Variants in SCGN observed in about 807,000 individuals in gnomAD.
SCGN encodes secretagogin.
SCGN carries 30 observed loss-of-function variants against 39.7 expected under a neutral mutation model. That is an observed-to-expected ratio of 0.76 (90% CI 0.57 to 1.03). SCGN has a LOEUF of 1.03. SCGN is among the 50% of genes least tolerant of loss of function. SCGN has a pLI of 0.00. For missense variants in SCGN, 353 were observed against 349.4 expected (o/e 1.01, Z -0.08); for synonymous variants, 106 against 114.1 (o/e 0.93, Z 0.45).
intron 10 of SCGN, among the ~76,000 whole-genome samples, chr6:25,693,383 C>G (rs1759797523): frequency 7.6e-6 from 1 of 132,298 alleles, no homozygotes; most frequent in Non-Finnish European, 1.5e-5. Context: ...ACCTGGGAGG[C>G]AGAGCTTGCA....
intron 1 of SCGN, 49 bp downstream of exon 1, chr6:25,652,534 G>A: frequency 3.8e-6 from 6 of 1,564,342 alleles, no homozygotes; most frequent in Non-Finnish European, 4.4e-6. Context: ...GTGGCTCCAA[G>A]CTCAGCCCGC....
chr6:25,700,503 G>T (rs889950683), intron 10 of SCGN, among the ~76,000 whole-genome samples: 1 of 152,108 alleles, frequency 6.6e-6, no homozygotes, highest in African/African-American at 2.4e-5. Flanking sequence ...CAACTTTCCA[G>T]CTTGGCAGGA....
At chr6:25,673,974 A>AAG (rs371152942) in intron 6 of SCGN, among the ~76,000 whole-genome samples, 1 of 150,672 alleles carries the variant, frequency 6.6e-6, no homozygotes, top group African/African-American at 2.5e-5. Flanking sequence ...AAGCAGGAAC[A>AAG]AGAGAGAGAG....
Position 25,652,265 on chromosome 6 carries a change from T to C in SCGN, c.-139T>C, listed in dbSNP as rs1760146605. The C allele has an allele frequency of 1.4e-6, 1 of 698,632 alleles. No homozygotes were observed. The highest frequency in any genetic ancestry group is 2.5e-6 in the Non-Finnish European group (1 of 404,984). 43.3% of individuals were successfully genotyped at this position (698,632 alleles called of 1,614,324 possible). A position where few individuals can be genotyped will look rare whatever the true frequency, so the allele number is the denominator to read the frequency against. Reference sequence around the variant, plus strand: ...GACGCCACGGCCAGCAGCGCTCGCGTCCTCCCCAGCAACAGTTACTCAAAG... The same window carrying C: ...GACGCCACGGCCAGCAGCGCTCGCGCCCTCCCCAGCAACAGTTACTCAAAG... On this transcript the variant is annotated 5_prime_UTR_variant, in exon 1 of 11. Coordinates refer to ENST00000377961, the MANE Select transcript of SCGN (RefSeq NM_006998.4).
chr6:25,686,959 C>G (rs117694806), intron 7 of SCGN, among the ~76,000 whole-genome samples: 8 of 152,082 alleles, frequency 5.3e-5, no homozygotes, highest in Non-Finnish European at 1.2e-4. Context: ...TTTTTCCTTA[C>G]TGAATGGTCT....
intron 4 of SCGN, among the ~76,000 whole-genome samples, chr6:25,668,185 T>A (rs1200949455): frequency 1.3e-5 from 2 of 150,336 alleles, no homozygotes; most frequent in African/African-American, 4.9e-5. Context: ...AACACAGTCA[T>A]CCCATTTAGG....
chr6:25,660,098 A>G (rs1463433385), intron 2 of SCGN, among the ~76,000 whole-genome samples: 1 of 152,206 alleles, frequency 6.6e-6, no homozygotes, highest in Non-Finnish European at 1.5e-5. Flanking sequence ...AGGTTATAGT[A>G]CATTTTTTTC....
chr6:25,661,710 G>T (rs376072506), intron 3 of SCGN, 66 bp downstream of exon 3: 1 of 1,041,672 alleles, frequency 9.6e-7, no homozygotes, highest in Non-Finnish European at 1.5e-6. Flanking sequence ...TTACTTTATC[G>T]TCTTGGGCTG....
chr6:25,655,231 C>T (rs1370422173), intron 2 of SCGN, among the ~76,000 whole-genome samples: 1 of 152,240 alleles, frequency 6.6e-6, no homozygotes, highest in African/African-American at 2.4e-5. Context: ...TGGAACTTCT[C>T]ACCTTTTCAG....
intron 9 of SCGN, 122 bp from the exon 10 acceptor site, chr6:25,690,934 G>T: frequency 1.5e-6 from 1 of 666,254 alleles, no homozygotes; most frequent in East Asian, 2.7e-5. Context: ...ATTGGAACAT[G>T]CCACTTCTAA....
intron 8 of SCGN, 80 bp downstream of exon 8, chr6:25,689,297 G>C (rs192220933): frequency 2.5e-6 from 3 of 1,192,294 alleles, no homozygotes; most frequent in Non-Finnish European, 3.7e-6. Context: ...AGAAAGGAAG[G>C]CATCTATTTG....
intron 4 of SCGN, among the ~76,000 whole-genome samples, chr6:25,665,665 G>A (rs770610814): frequency 6.6e-6 from 1 of 152,176 alleles, no homozygotes. Context: ...GTTTCCCCAA[G>A]GCCAGAGCAG....
chr6:25,661,680 C>A, intron 3 of SCGN, 36 bp downstream of exon 3: 2 of 1,348,278 alleles, frequency 1.5e-6, no homozygotes, highest in Non-Finnish European at 2.1e-6. Context: ...TGGCTCTACT[C>A]TTCTTGACTG....
chr6:25,676,739 A>G, intron 6 of SCGN, among the ~76,000 whole-genome samples: 1 of 152,286 alleles, frequency 6.6e-6, no homozygotes, highest in Non-Finnish European at 1.5e-5. Context: ...CGTATGTAAA[A>G]CAGTCAGTAT....
rs1376761154 is a variant in SCGN, at chr6:25,686,105, C to T, written c.528-3067C>T. On this transcript the variant is annotated intron_variant, in intron 7 of 10. Coordinates refer to ENST00000377961, the MANE Select transcript of SCGN (RefSeq NM_006998.4). ...GCTGAATAATAGTCCCTTGTATGTA[C>T]ATACCACATTTTGTCCATTCATCAG... 2.0e-5 allele frequency among the ~76,000 whole-genome samples: 3 copies of T among 152,274 alleles called. No individual in the cohort carries two copies. In the East Asian group the frequency reaches 5.8e-4, roughly 29 times the overall value.
intron 4 of SCGN, 107 bp downstream of exon 4, chr6:25,665,139 C>A: frequency 4.8e-6 from 4 of 840,696 alleles, no homozygotes; most frequent in South Asian, 1.6e-5. Flanking sequence ...CAAGGGAGAG[C>A]TGAGCACAGA....
rs765332406 is a variant in SCGN at position 25,664,919 on chromosome 6, C to T, written c.247-24C>T. 1.6e-5 allele frequency: 26 copies of T among 1,582,982 alleles called. No homozygotes were observed. The South Asian group carries it at 2.6e-4, about 16-fold the overall frequency. ...AATGGACACTGGCCAGTGTCCCTGA[C>T]TGTTATTCTTTCTGTTCCTTCAGCT... On this transcript the variant is annotated intron_variant, in intron 3 of 10. Transcript: ENST00000377961.
intron 10 of SCGN, 45 bp downstream of exon 10, chr6:25,691,169 A>G (rs1269582106): frequency 7.3e-7 from 1 of 1,374,104 alleles, no homozygotes; most frequent in Admixed American, 1.7e-5. Context: ...TGTTGTTTTG[A>G]TTTATTCCAT....
chr6:25,674,626 T>C (rs1452040528), intron 6 of SCGN, among the ~76,000 whole-genome samples: 2 of 152,266 alleles, frequency 1.3e-5, no homozygotes, highest in Non-Finnish European at 2.9e-5. Context: ...TTAAGAGATG[T>C]AACTTATTAA....
Sources: gnomAD v4.1 joint callset for allele counts (sites outside exome capture counted in the v4.1 genomes callset) on GRCh38, gnomAD v4.1.1 for gene constraint, MANE v1.5 for transcripts, NCBI Gene and HGNC (gene_info 2026-07-23, HGNC 2026-07-21) for gene names.